LRRC4C: variants seen among roughly 807,000 people sequenced by gnomAD.
LRRC4C encodes the protein leucine rich repeat containing 4C.
A neutral mutation model predicts 33.6 loss-of-function variants in LRRC4C; 5 were observed. That is an observed-to-expected ratio of 0.15 (90% CI 0.08 to 0.31). The LOEUF is 0.31. LRRC4C is among the 10% of genes least tolerant of loss of function. The pLI is 1.00. For missense variants in LRRC4C, 560 were observed against 796.7 expected (o/e 0.70, Z 3.58); for synonymous variants, 329 against 302.0 (o/e 1.09, Z -0.93).
chr11:41,408,804 T>C (rs1446140269), intron 1 of LRRC4C, among the ~76,000 whole-genome samples: 1 of 148,314 alleles, frequency 6.7e-6, no homozygotes, highest in Non-Finnish European at 1.5e-5. Flanking sequence ...TGGCTTTTCA[T>C]AGAGTTATTA....
intron 1 of LRRC4C, among the ~76,000 whole-genome samples, chr11:41,338,152 C>T (rs1951515692): frequency 6.6e-6 from 1 of 152,144 alleles, no homozygotes; most frequent in Non-Finnish European, 1.5e-5. Context: ...GGAGCTAGAA[C>T]CAGAAATACA....
At chr11:40,134,684 A>T (rs990294876) in intron 6 of LRRC4C, among the ~76,000 whole-genome samples, 5 of 152,244 alleles carry the variant, frequency 3.3e-5, no homozygotes, top group African/African-American at 1.2e-4. Context: ...TATAAGCTGA[A>T]GTAACATTAT....
chr11:40,297,500 A>C (rs911333944), intron 4 of LRRC4C, among the ~76,000 whole-genome samples: 6 of 152,318 alleles, frequency 3.9e-5, no homozygotes, highest in Middle Eastern at 3.4e-3. Context: ...GTATTTTGGA[A>C]CTAGATGATA....
intron 1 of LRRC4C, among the ~76,000 whole-genome samples, chr11:41,144,548 CAT>C (rs889392189): frequency 2.0e-5 from 3 of 151,792 alleles, no homozygotes; most frequent in African/African-American, 7.2e-5. Flanking sequence ...TTTCAACACA[CAT>C]ATATATATAT....
intron 1 of LRRC4C, among the ~76,000 whole-genome samples, chr11:41,364,920 C>T (rs542900065): frequency 6.6e-6 from 1 of 152,192 alleles, no homozygotes; most frequent in African/African-American, 2.4e-5. Context: ...TTACTTGGTC[C>T]TTCAGAAATT....
intron 1 of LRRC4C, among the ~76,000 whole-genome samples, chr11:40,936,463 G>A (rs1957905714): frequency 2.0e-5 from 3 of 148,490 alleles, no homozygotes; most frequent in Admixed American, 6.8e-5. Flanking sequence ...TCAGCCTCCC[G>A]AGTACTGGGA....
intron 1 of LRRC4C, among the ~76,000 whole-genome samples, chr11:41,200,244 AG>A (rs1423483252): frequency 6.6e-6 from 1 of 152,144 alleles, no homozygotes; most frequent in Non-Finnish European, 1.5e-5. Context: ...TGGTGACAGC[AG>A]GTTCTAAATA....
intron 1 of LRRC4C, among the ~76,000 whole-genome samples, chr11:41,044,699 G>C (rs895338707): frequency 6.6e-6 from 1 of 152,088 alleles, no homozygotes. Flanking sequence ...AACAGATCAA[G>C]TAGAACGCAG....
chr11:40,758,546 GT>G (rs1441285356), intron 2 of LRRC4C, among the ~76,000 whole-genome samples: 1 of 151,980 alleles, frequency 6.6e-6, no homozygotes, highest in Non-Finnish European at 1.5e-5. Context: ...GTGTTTTTCT[GT>G]TTGAATTAAT....
At chr11:40,831,834 C>G (rs193021930) in intron 2 of LRRC4C, among the ~76,000 whole-genome samples, 2 of 152,044 alleles carry the variant, frequency 1.3e-5, no homozygotes, top group East Asian at 3.9e-4. Flanking sequence ...AGAAACCTGC[C>G]CCCATGATTC....
rs573422046 is a variant in LRRC4C at position 40,916,381 on chromosome 11, G to C, written c.-407+17254C>G. Among the ~76,000 whole-genome samples, 31 of 152,260 alleles carry C rather than the reference G, an allele frequency of 2.0e-4. No individual in the cohort carries two copies. The South Asian group carries it at 6.4e-3, about 32-fold the overall frequency. On this transcript the variant is annotated intron_variant, in intron 2 of 6. Coordinates refer to ENST00000528697, the MANE Select transcript of LRRC4C (RefSeq NM_001258419.2). ...ACTATGCAGCCATGAAAAATGATGA[G>C]TTCATGTCCTTTGTAGGGACATGGA...
intron 1 of LRRC4C, among the ~76,000 whole-genome samples, chr11:41,400,594 G>T (rs1028956070): frequency 6.6e-6 from 1 of 151,366 alleles, no homozygotes; most frequent in Admixed American, 6.6e-5. Context: ...TTTTTTTAAT[G>T]CTGCTAATGG....
intron 3 of LRRC4C, among the ~76,000 whole-genome samples, chr11:40,551,698 T>G (rs1449791308): frequency 6.6e-6 from 1 of 152,210 alleles, no homozygotes; most frequent in Non-Finnish European, 1.5e-5. Context: ...TTACTGTTCA[T>G]TATCTCACTT....
At chr11:40,324,204 G>A (rs1403970173) in intron 3 of LRRC4C, among the ~76,000 whole-genome samples, 3 of 152,236 alleles carry the variant, frequency 2.0e-5, no homozygotes, top group Non-Finnish European at 4.4e-5. Context: ...GTTTGGACAT[G>A]ATCCTTAAAA....
chr11:41,211,901 G>A (rs113245168), intron 1 of LRRC4C, among the ~76,000 whole-genome samples: 9 of 152,168 alleles, frequency 5.9e-5, no homozygotes, highest in African/African-American at 9.7e-5. Flanking sequence ...CTGAGGAACC[G>A]CCACACTATC....
intron 3 of LRRC4C, among the ~76,000 whole-genome samples, chr11:40,524,541 T>A (rs1363874459): frequency 1.3e-5 from 2 of 152,128 alleles, no homozygotes; most frequent in African/African-American, 2.4e-5. Flanking sequence ...GCAGCAGCCA[T>A]AAATTCAGAA....
At chr11:40,147,715 G>C (rs1370997792) in intron 5 of LRRC4C, among the ~76,000 whole-genome samples, 1 of 151,978 alleles carries the variant, frequency 6.6e-6, no homozygotes, top group Non-Finnish European at 1.5e-5. Flanking sequence ...CAGAATAATT[G>C]AGAGGAAACT....
chr11:41,406,646 G>C (rs1954246089), intron 1 of LRRC4C, among the ~76,000 whole-genome samples: 1 of 149,700 alleles, frequency 6.7e-6, no homozygotes, highest in Admixed American at 6.7e-5. Context: ...GGTTTTGCTA[G>C]GACCTAATCT....
intron 3 of LRRC4C, among the ~76,000 whole-genome samples, chr11:40,490,244 C>T (rs1234667618): frequency 6.6e-6 from 1 of 152,132 alleles, no homozygotes; most frequent in Non-Finnish European, 1.5e-5. Context: ...TGCCTTTCAA[C>T]AGTACTTGGC....
Sources: gnomAD v4.1 joint callset for allele counts (sites outside exome capture counted in the v4.1 genomes callset) on GRCh38, gnomAD v4.1.1 for gene constraint, MANE v1.5 for transcripts, NCBI Gene and HGNC (gene_info 2026-07-23, HGNC 2026-07-21) for gene names.